LAMA3: variants seen among roughly 807,000 people sequenced by gnomAD.
LAMA3 encodes the protein laminin subunit alpha-3.
Under a neutral mutation model 402.0 loss-of-function variants are expected in LAMA3, and 281 were observed. The ratio of observed to expected loss-of-function variants is 0.70; its 90% CI spans 0.63 to 0.77. The LOEUF (loss-of-function observed/expected upper bound fraction) is 0.77, where lower values mean the gene tolerates loss of function less well. Among genes scored for constraint, LAMA3 ranks in the 30% least tolerant of loss-of-function variants. The pLI is 0.00. For synonymous variants in LAMA3, 1,431 were observed against 1,558.4 expected (o/e 0.92, Z 1.93); for missense variants, 3,840 against 4,215.5 (o/e 0.91, Z 2.47).
At position 23,907,795 on chromosome 18, in the gene LAMA3, T is replaced by C. The variant is rs201267333; in HGVS notation, c.6875T>C (p.Val2292Ala). The change falls in exon 54 of 75, where the codon GTC (valine) becomes GCC (alanine). Residue 2292 changes from valine to alanine, a missense_variant. This residue lies in a region of LAMA3 where 891 missense variants were observed against 857.5 expected (regional missense o/e 1.04). Transcript: ENST00000313654. ...DAMISSAKSM[V>A]RKANDITDEV... ...ATGATCAGTAGTGCAAAGAGCATGG[T>C]CAGAAAGGCCAACGACATCACAGAT... is the stretch of plus-strand genomic sequence containing the variant. 1.2e-6 allele frequency: 2 copies of C among 1,614,054 alleles called. No individual in the cohort carries two copies. Among genetic ancestry groups the C allele is most frequent in the African/African-American group, 1.3e-5 (1 of 74,912 alleles).
intron 17 of LAMA3, 58 bp from the exon 18 acceptor site, chr18:23,816,330 G>C: frequency 7.5e-7 from 1 of 1,333,336 alleles, no homozygotes; most frequent in East Asian, 2.3e-5. Flanking sequence ...TACAGCAGGG[G>C]AGGCGCTCAG....
At chr18:23,877,560 G>A (rs953780877) in intron 39 of LAMA3, among the ~76,000 whole-genome samples, 9 of 152,192 alleles carry the variant, frequency 5.9e-5, no homozygotes, top group East Asian at 1.9e-4. Flanking sequence ...TGTGTTTCAA[G>A]TATGAGTTCC....
At chr18:23,838,390 G>A (rs975841929) in intron 25 of LAMA3, among the ~76,000 whole-genome samples, 50 of 152,088 alleles carry the variant, frequency 3.3e-4, no homozygotes, top group Non-Finnish European at 2.9e-5. Flanking sequence ...TGAAAAGCAG[G>A]CTCTCTGGCC....
At chr18:23,890,139 G>A in intron 42 of LAMA3, 22 bp downstream of exon 42, 7 of 1,473,384 alleles carry the variant, frequency 4.8e-6, no homozygotes, top group Non-Finnish European at 3.8e-6. Flanking sequence ...CCACACCCCT[G>A]CTAACTTGCA....
intron 3 of LAMA3, among the ~76,000 whole-genome samples, chr18:23,748,910 A>G (rs1024030349): frequency 6.6e-6 from 1 of 152,130 alleles, no homozygotes; most frequent in Admixed American, 6.6e-5. Flanking sequence ...TCTTGGCACT[A>G]TTTGGGAGTA....
chr18:23,847,514 T>G lies in LAMA3; in HGVS notation c.3982T>G (p.Cys1328Gly). 1 of 1,613,974 alleles carries G rather than the reference T, an allele frequency of 6.2e-7. No homozygotes were observed. Among genetic ancestry groups the G allele is most frequent in the South Asian group, 1.1e-5 (1 of 91,090 alleles). ...TGAAGAGATGACGGGGCAGTGCCGC[T>G]GCCCTCCCCGCACGGTCAGGCCCCA... ...LCEEMTGQCRCPPRTVRPQCE... is the reference protein window; with the variant it reads ...LCEEMTGQCRGPPRTVRPQCE... The change falls in exon 32 of 75, where the codon TGC (cysteine) becomes GGC (glycine). Residue 1328 changes from cysteine (C) to glycine (G), a missense_variant. By Grantham distance (159) the Cys-to-Gly change is radical. Around this residue, in one of 3 missense-constraint regions of LAMA3, gnomAD observed 2,109 missense variants for 2,376.0 expected, o/e 0.89. Coordinates refer to ENST00000313654, the MANE Select transcript of LAMA3 (RefSeq NM_198129.4).
At chr18:23,863,021 AAGAGAG>A (rs141141703) in intron 35 of LAMA3, among the ~76,000 whole-genome samples, 1 of 143,356 alleles carries the variant, frequency 7.0e-6, no homozygotes, top group African/African-American at 2.6e-5. Context: ...GAGAGAGAGA[AAGAGAG>A]AGAGAGAGAG....
At chr18:23,745,627 C>A (rs921512859) in intron 2 of LAMA3, among the ~76,000 whole-genome samples, 1 of 152,140 alleles carries the variant, frequency 6.6e-6, no homozygotes, top group African/African-American at 2.4e-5. Flanking sequence ...TGTTACTTAA[C>A]CTCTCTAGGC....
intron 2 of LAMA3, among the ~76,000 whole-genome samples, chr18:23,729,322 G>T (rs1044175546): frequency 1.3e-5 from 2 of 152,150 alleles, no homozygotes; most frequent in Admixed American, 1.3e-4. Flanking sequence ...AAGATACAGA[G>T]ACTTCCTTAC....
At chr18:23,852,898 T>C (rs1425910885) in intron 32 of LAMA3, among the ~76,000 whole-genome samples, 2 of 152,202 alleles carry the variant, frequency 1.3e-5, no homozygotes, top group African/African-American at 4.8e-5. Context: ...CCTCCTCTCC[T>C]ACTACCCCCA....
chr18:23,897,518 C>T (rs2080915119), intron 44 of LAMA3, among the ~76,000 whole-genome samples: 1 of 152,166 alleles, frequency 6.6e-6, no homozygotes, highest in Non-Finnish European at 1.5e-5. Flanking sequence ...AAGGGCTTTA[C>T]TCAAGTCTCA....
chr18:23,896,787 T>C (rs1188157877), intron 44 of LAMA3, among the ~76,000 whole-genome samples: 1 of 151,890 alleles, frequency 6.6e-6, no homozygotes, highest in Non-Finnish European at 1.5e-5. Context: ...GCCACTATGG[T>C]ATATAAATCC....
chr18:23,755,015 G>A (rs548448433), intron 6 of LAMA3, among the ~76,000 whole-genome samples: 1 of 152,266 alleles, frequency 6.6e-6, no homozygotes, highest in Admixed American at 6.5e-5. Flanking sequence ...TCAAGGATTC[G>A]GCAGTGCTGT....
intron 12 of LAMA3, among the ~76,000 whole-genome samples, chr18:23,802,691 C>A (rs1354686422): frequency 1.3e-5 from 2 of 152,188 alleles, no homozygotes; most frequent in Non-Finnish European, 2.9e-5. Context: ...GACCTCTCGA[C>A]CACCAGAGCA....
intron 2 of LAMA3, among the ~76,000 whole-genome samples, chr18:23,720,852 T>G (rs2061198979): frequency 6.6e-6 from 1 of 152,186 alleles, no homozygotes; most frequent in African/African-American, 2.4e-5. Flanking sequence ...TCAGGTGTTT[T>G]CTTTTAATAC....
intron 51 of LAMA3, 109 bp downstream of exon 51, chr18:23,904,803 A>G: frequency 8.1e-7 from 1 of 1,236,218 alleles, no homozygotes; most frequent in Non-Finnish European, 1.1e-6. Context: ...ATTTTAAATC[A>G]GAACTTGTTG....
chr18:23,878,032 G>T (rs1339573686), intron 39 of LAMA3, among the ~76,000 whole-genome samples: 1 of 152,186 alleles, frequency 6.6e-6, no homozygotes, highest in East Asian at 1.9e-4. Flanking sequence ...AGAATGGCGT[G>T]AACCCAGGAG....
chr18:23,881,731 G>C (rs948370532), intron 39 of LAMA3, among the ~76,000 whole-genome samples: 1 of 152,144 alleles, frequency 6.6e-6, no homozygotes. Context: ...GTTAAGCACC[G>C]CGTCACTGAG....
chr18:23,839,657 T>G lies in LAMA3; in HGVS notation c.3192-128T>G, dbSNP rs373422305. On this transcript the variant is annotated intron_variant, in intron 26 of 74. Transcript: ENST00000313654. The surrounding 1 kb of genome is among the most constrained non-coding windows in gnomAD (Gnocchi z 4.5). ...TATAAAGATCCCTAGAGTTCTGTGCTTCCCCCAGCACTGGATCCTTTTGAT... is the reference window on the plus strand; with the variant it reads ...TATAAAGATCCCTAGAGTTCTGTGCGTCCCCCAGCACTGGATCCTTTTGAT... 6 of 926,196 alleles carry G rather than the reference T, an allele frequency of 6.5e-6. No homozygotes were observed. The highest frequency in any genetic ancestry group is 1.0e-5 in the Non-Finnish European group (6 of 577,342). 57.4% of individuals were successfully genotyped at this position (926,196 alleles called of 1,614,324 possible).
Sources: allele counts gnomAD v4.1 joint callset (sites outside exome capture counted in the v4.1 genomes callset), GRCh38; gene constraint gnomAD v4.1.1; regional missense constraint gnomAD v4.1.1; non-coding constraint Gnocchi (gnomAD v3.1); transcripts MANE v1.5; gene names NCBI Gene and HGNC (gene_info 2026-07-23, HGNC 2026-07-21).